The following EXD1 variants were observed in gnomAD, a reference collection of about 807,000 sequenced individuals.
EXD1 encodes the protein piRNA biogenesis protein EXD1.
In EXD1, 63 loss-of-function variants were observed where a neutral mutation model predicts 49.1. The ratio of observed to expected loss-of-function variants is 1.28; its 90% CI spans 1.05 to 1.58. EXD1 has a LOEUF of 1.58. Among genes scored for constraint, EXD1 ranks in the 40% most tolerant of loss-of-function variants. The pLI, the probability that EXD1 is intolerant of heterozygous loss-of-function variation, is 0.00. For missense variants in EXD1, 748 were observed against 666.0 expected, an observed-to-expected ratio of 1.12 and a Z score of -1.36; for synonymous variants, 234 against 239.2, an observed-to-expected ratio of 0.98 and a Z score of 0.20.
At chr15:41,199,824 T>TA (rs1171711282) in intron 7 of EXD1, among the ~76,000 whole-genome samples, 4 of 117,418 alleles carry the variant, frequency 3.4e-5, no homozygotes, top group Non-Finnish European at 3.5e-5. Flanking sequence ...TATATAGATA[T>TA]ATGTCAATAT....
chr15:41,214,276 G>T (rs78808018), intron 6 of EXD1, among the ~76,000 whole-genome samples: 24,541 of 152,036 alleles, frequency 0.16, 3,653 homozygotes, highest in African/African-American at 0.39. Context: ...TTTGGGAGGC[G>T]GAGATAGGCA....
chr15:41,188,036 A>C (rs2046443374), intron 11 of EXD1, among the ~76,000 whole-genome samples: 1 of 134,370 alleles, frequency 7.4e-6, no homozygotes, highest in Non-Finnish European at 1.6e-5. Flanking sequence ...AAAAAAAAAA[A>C]AGCTAGTATT....
intron 6 of EXD1, 83 bp from the exon 7 acceptor site, chr15:41,209,670 G>A: frequency 3.3e-6 from 4 of 1,194,166 alleles, no homozygotes; most frequent in Middle Eastern, 3.8e-4. Context: ...AAATACAATG[G>A]TCAGCAGTAA....
intron 1 of EXD1, among the ~76,000 whole-genome samples, chr15:41,229,641 G>A (rs2047208900): frequency 1.3e-5 from 2 of 152,158 alleles, no homozygotes; most frequent in African/African-American, 4.8e-5. Flanking sequence ...GGTGGCGCAT[G>A]CCTGTAACCC....
chr15:41,228,326 C>G (rs909461275), intron 1 of EXD1, among the ~76,000 whole-genome samples: 1 of 152,168 alleles, frequency 6.6e-6, no homozygotes, highest in Non-Finnish European at 1.5e-5. Flanking sequence ...ATGTTACATA[C>G]AATTTTCGGT....
intron 6 of EXD1, among the ~76,000 whole-genome samples, chr15:41,211,902 TG>T (rs1271420165): frequency 2.0e-5 from 3 of 151,656 alleles, no homozygotes; most frequent in African/African-American, 7.3e-5. Context: ...AGGTGGAGGT[TG>T]CAGTGAGCCA....
At chr15:41,210,949 T>C (rs531845607) in intron 6 of EXD1, among the ~76,000 whole-genome samples, 1 of 152,296 alleles carries the variant, frequency 6.6e-6, no homozygotes, top group African/African-American at 2.4e-5. Flanking sequence ...TGGCACTGAA[T>C]TTCAGCTTCA....
At chr15:41,214,890 C>T (rs1043312885) in intron 6 of EXD1, among the ~76,000 whole-genome samples, 12 of 152,200 alleles carry the variant, frequency 7.9e-5, no homozygotes, top group Admixed American at 3.9e-4. Flanking sequence ...GGACTACAGG[C>T]GCCTGCCAGC....
intron 7 of EXD1, among the ~76,000 whole-genome samples, chr15:41,209,099 C>T (rs2046880086): frequency 6.6e-6 from 1 of 152,032 alleles, no homozygotes. Flanking sequence ...GCAACAATGA[C>T]ACTAGGGTGA....
intron 9 of EXD1, among the ~76,000 whole-genome samples, chr15:41,194,060 G>A (rs1198221696): frequency 2.1e-5 from 3 of 140,146 alleles, no homozygotes; most frequent in Admixed American, 7.8e-5. Context: ...CTCCCAGGCT[G>A]GAGTGCAGTG....
At chr15:41,192,582 A>G (rs1426387423) in intron 9 of EXD1, among the ~76,000 whole-genome samples, 1 of 127,258 alleles carries the variant, frequency 7.9e-6, no homozygotes, top group East Asian at 2.4e-4. Context: ...GGCGTGAACC[A>G]CTGCGCCAGG....
At chr15:41,225,611 G>A (rs1012727216) in intron 2 of EXD1, among the ~76,000 whole-genome samples, 21 of 144,884 alleles carry the variant, frequency 1.4e-4, no homozygotes, top group African/African-American at 4.0e-4. Context: ...GGCCGGGAGC[G>A]GTGGCTCATG....
At chr15:41,218,750 T>C (rs1021003732) in intron 3 of EXD1, among the ~76,000 whole-genome samples, 3 of 152,148 alleles carry the variant, frequency 2.0e-5, no homozygotes, top group African/African-American at 7.2e-5. Context: ...CCTGCCATTA[T>C]AAAAGAATAT....
At position 41,184,086 on chromosome 15, in the gene EXD1, G is replaced by C. The variant is rs749048698; in HGVS notation, c.1564C>G (p.Gln522Glu). ...GGAAAGGAAGACATTGAAACAGCCT[G>C]TTTTGTGCATTTTAAATCTTCCTTG... is the stretch of plus-strand genomic sequence containing the variant. ...ENKEDLKCTKQAVSMSSFPQE... is the reference protein window; with the variant it reads ...ENKEDLKCTKEAVSMSSFPQE... Residue 522 changes from glutamine (Q) to glutamate (E), a missense_variant, in exon 12 of 12, where the codon CAG becomes GAG. Transcript: ENST00000458580. The C allele has an allele frequency of 3.1e-6, 5 of 1,614,222 alleles. No individual in the cohort carries two copies. Among genetic ancestry groups the C allele is most frequent in the Non-Finnish European group, 4.2e-6 (5 of 1,180,048 alleles).
intron 11 of EXD1, among the ~76,000 whole-genome samples, chr15:41,187,483 C>G (rs1182006489): frequency 6.6e-6 from 1 of 152,152 alleles, no homozygotes; most frequent in African/African-American, 2.4e-5. Flanking sequence ...TGGAACCAAT[C>G]CCCCACAGAT....
At position 41,195,856 on chromosome 15, in the gene EXD1, C is replaced by T. The variant is rs746622334; in HGVS notation, c.640-1G>A. The stretch of plus-strand genomic sequence containing the variant: ...AAAGCCAACGACAATCATGGATAAC[C>T]TAAGGAATCAGAAGGAAACAGTCAT... On this transcript the variant is annotated splice_acceptor_variant, in intron 8 of 11. Coordinates refer to ENST00000458580, the MANE Select transcript of EXD1 (RefSeq NM_001286441.2). LOFTEE classifies it high-confidence loss of function. 8 of 1,613,210 alleles carry T rather than the reference C, an allele frequency of 5.0e-6. No homozygotes were observed. The South Asian group carries it at 7.7e-5, about 16-fold the overall frequency.
rs142913906 is a variant in EXD1 at position 41,215,799 on chromosome 15, T to G, written c.423A>C (p.Gln141His). ...EEEVTYTVIN[Q>H]FQQKFGAAIL... ...CCGCAGCACCAAACTTCTGCTGGAA[T>G]TGATTAATGACTGTGTATGTCACCT... The change falls in exon 6 of 12, where the codon CAA (glutamine) becomes CAC (histidine). Residue 141 changes from glutamine (Q) to histidine (H), a missense_variant. Gln to His is a conservative substitution (Grantham distance 24, BLOSUM62 0). Coordinates refer to ENST00000458580, the MANE Select transcript of EXD1 (RefSeq NM_001286441.2). 70 of 1,613,960 alleles carry G rather than the reference T, an allele frequency of 4.3e-5. No homozygotes were observed. The highest frequency in any genetic ancestry group is 1.6e-4 in the South Asian group (15 of 91,076).
chr15:41,192,444 G>A (rs1265591523), intron 9 of EXD1, among the ~76,000 whole-genome samples: 1 of 151,732 alleles, frequency 6.6e-6, no homozygotes, highest in Non-Finnish European at 1.5e-5. Flanking sequence ...TTACAGGTGT[G>A]TGCCACCATG....
chr15:41,206,536 G>A (rs1255560543), intron 7 of EXD1, among the ~76,000 whole-genome samples: 1 of 147,468 alleles, frequency 6.8e-6, no homozygotes, highest in African/African-American at 2.5e-5. Flanking sequence ...TGTGTTAAAA[G>A]TAGTTGACTC....
Sources: allele counts gnomAD v4.1 joint callset (sites outside exome capture counted in the v4.1 genomes callset), GRCh38; gene constraint gnomAD v4.1.1; transcripts MANE v1.5; gene names NCBI Gene and HGNC (gene_info 2026-07-23, HGNC 2026-07-21).